The following FSTL5 variants were observed in gnomAD, a reference collection of about 807,000 sequenced individuals.
The protein encoded by FSTL5 is follistatin-related protein 5.
A neutral mutation model predicts 89.1 loss-of-function variants in FSTL5; 62 were observed. That is an observed-to-expected ratio of 0.70 (90% CI 0.57 to 0.86). The LOEUF is 0.86. Ranked by LOEUF, FSTL5 falls within the 40% of genes least tolerant of loss-of-function variation. FSTL5 has a pLI of 0.00. For missense variants in FSTL5, 1,057 were observed against 1,001.6 expected (o/e 1.06, Z -0.75); for synonymous variants, 383 against 346.2 (o/e 1.11, Z -1.18).
chr4:161,530,416 C>T lies in FSTL5; in HGVS notation c.1312+7750G>A, dbSNP rs377289497. On this transcript the variant is annotated intron_variant, in intron 10 of 15. Coordinates refer to ENST00000306100, the MANE Select transcript of FSTL5 (RefSeq NM_020116.5). The stretch of plus-strand genomic sequence containing the variant: ...AGTATATGTTTATATAATTTATTTA[C>T]GCAAATAATCTTGTAGACTTTAGCC... 1.1e-4 allele frequency among the ~76,000 whole-genome samples: 15 copies of T among 142,338 alleles called. 2 individuals carry two copies. Among genetic ancestry groups the T allele is most frequent in the African/African-American group, 3.0e-4 (12 of 39,932 alleles). The allele number at this position is 142,338 out of a possible 152,430, so 93.4% of individuals were successfully genotyped here.
At chr4:162,036,839 T>G (rs1423977871) in intron 2 of FSTL5, among the ~76,000 whole-genome samples, 1 of 151,860 alleles carries the variant, frequency 6.6e-6, no homozygotes, top group Non-Finnish European at 1.5e-5. Flanking sequence ...GATAAAACGT[T>G]TTTTGGTGCT....
At chr4:161,839,924 G>A (rs550507720) in intron 4 of FSTL5, among the ~76,000 whole-genome samples, 134 of 152,298 alleles carry the variant, frequency 8.8e-4, no homozygotes, top group African/African-American at 3.1e-3. Context: ...GTTTGCTTCA[G>A]GAGAGCATGT....
chr4:161,711,210 G>T (rs1261748538), intron 6 of FSTL5, among the ~76,000 whole-genome samples: 1 of 151,732 alleles, frequency 6.6e-6, no homozygotes, highest in Non-Finnish European at 1.5e-5. Context: ...GGAAAAAATA[G>T]AAAAAATTAA....
At chr4:161,474,546 T>A (rs979425361) in intron 13 of FSTL5, among the ~76,000 whole-genome samples, 17 of 43,002 alleles carry the variant, frequency 4.0e-4, no homozygotes, top group Non-Finnish European at 3.4e-4. Context: ...TGTGTAGTGG[T>A]TTTTTTTTTT....
chr4:161,615,459 A>G (rs561085142), intron 7 of FSTL5, among the ~76,000 whole-genome samples: 128 of 150,476 alleles, frequency 8.5e-4, no homozygotes, highest in African/African-American at 3.0e-3. Context: ...AAAAAAAAAA[A>G]AAAAGAAAGA....
At chr4:161,676,747 G>GCACACACACACACACACA (rs148353944) in intron 6 of FSTL5, among the ~76,000 whole-genome samples, 1 of 143,268 alleles carries the variant, frequency 7.0e-6, no homozygotes, top group African/African-American at 2.5e-5. Context: ...ATACATACAC[G>GCACACACACACACACACA]CACACACACA....
At chr4:161,916,913 C>T (rs570535796) in intron 4 of FSTL5, among the ~76,000 whole-genome samples, 1 of 152,044 alleles carries the variant, frequency 6.6e-6, no homozygotes, top group African/African-American at 2.4e-5. Flanking sequence ...TGCATCAATA[C>T]ACCTGATTCT....
chr4:161,497,698 T>A (rs548447921), intron 12 of FSTL5, among the ~76,000 whole-genome samples: 24 of 152,116 alleles, frequency 1.6e-4, no homozygotes, highest in African/African-American at 5.8e-4. Flanking sequence ...TAACTTCATA[T>A]TCTATAATAT....
chr4:161,934,808 T>C (rs1229053955), intron 3 of FSTL5, among the ~76,000 whole-genome samples: 1 of 152,154 alleles, frequency 6.6e-6, no homozygotes, highest in African/African-American at 2.4e-5. Flanking sequence ...ATGTCTGCTA[T>C]CATTAACATC....
Position 161,611,231 on chromosome 4 carries a change from CATATATATATATATATATATAT to C in FSTL5, c.895-23678_895-23657del, listed in dbSNP as rs70937667. Among the ~76,000 whole-genome samples, 138 of 128,484 alleles carry C rather than the reference CATATATATATATATATATATAT, an allele frequency of 1.1e-3. 1 individual carries two copies. The highest frequency in any genetic ancestry group is 2.5e-3 in the Admixed American group (31 of 12,276). 84.3% of individuals were successfully genotyped at this position (128,484 alleles called of 152,430 possible). ...ATGTGTATATGTGTGTATGTGTATA[CATATATATATATATATATATAT>C]ATATATATATATATGTAACTTCCTG... On this transcript the variant is annotated intron_variant, in intron 7 of 15. Transcript: ENST00000306100.
At chr4:161,614,818 TTAAG>T (rs1286698276) in intron 7 of FSTL5, among the ~76,000 whole-genome samples, 5 of 152,168 alleles carry the variant, frequency 3.3e-5, no homozygotes, top group Non-Finnish European at 1.5e-5. Flanking sequence ...TTCTCAAGGA[TTAAG>T]TATTCACAAT....
At chr4:161,613,479 C>G (rs75450034) in intron 7 of FSTL5, among the ~76,000 whole-genome samples, 578 of 151,400 alleles carry the variant, frequency 3.8e-3, no homozygotes, top group African/African-American at 0.013. Context: ...ATTGTCTAAT[C>G]ATTTAATAAG....
chr4:161,473,280 A>T (rs1407716685), intron 13 of FSTL5, among the ~76,000 whole-genome samples: 1 of 151,986 alleles, frequency 6.6e-6, no homozygotes, highest in Admixed American at 6.6e-5. Flanking sequence ...AGAACTCCCT[A>T]TTTCTCAATT....
chr4:161,909,902 TTGAATAC>T (rs1396683110), intron 4 of FSTL5, among the ~76,000 whole-genome samples: 2 of 152,144 alleles, frequency 1.3e-5, no homozygotes, highest in Admixed American at 1.3e-4. Context: ...CACACATATA[TTGAATAC>T]TGAATACTGA....
chr4:161,956,291 T>A (rs940838715), intron 3 of FSTL5, among the ~76,000 whole-genome samples: 1 of 151,568 alleles, frequency 6.6e-6, no homozygotes, highest in African/African-American at 2.4e-5. Context: ...GATTGCCCAA[T>A]TAAGAATAAG....
intron 15 of FSTL5, among the ~76,000 whole-genome samples, chr4:161,452,961 A>G (rs1733224605): frequency 6.6e-6 from 1 of 152,196 alleles, no homozygotes; most frequent in Non-Finnish European, 1.5e-5. Flanking sequence ...TCAAATTAGT[A>G]TTAGCTCCAA....
chr4:161,842,742 T>C (rs1156659442), intron 4 of FSTL5, among the ~76,000 whole-genome samples: 1 of 152,132 alleles, frequency 6.6e-6, no homozygotes, highest in Non-Finnish European at 1.5e-5. Context: ...CTGTAAGCAA[T>C]AAGTAGTCAT....
chr4:161,796,474 T>A (rs2126825100), intron 4 of FSTL5, among the ~76,000 whole-genome samples: 1 of 151,904 alleles, frequency 6.6e-6, no homozygotes, highest in East Asian at 1.9e-4. Flanking sequence ...AATTGTGTTA[T>A]CTTAATCCTA....
chr4:161,500,280 C>T (rs1026651906), intron 11 of FSTL5, 146 bp from the exon 12 acceptor site: 5 of 566,132 alleles, frequency 8.8e-6, no homozygotes, highest in Non-Finnish European at 1.2e-5. Flanking sequence ...GGGACCCTTA[C>T]TGTATACTCG....
Sources: gnomAD v4.1 joint callset for allele counts (sites outside exome capture counted in the v4.1 genomes callset) on GRCh38, gnomAD v4.1.1 for gene constraint, MANE v1.5 for transcripts, NCBI Gene and HGNC (gene_info 2026-07-23, HGNC 2026-07-21) for gene names.